The following CSNK2A2IP variants were observed in gnomAD, a reference collection of about 807,000 sequenced individuals.
CSNK2A2IP encodes casein kinase II subunit alpha'-interacting protein.
At chr3:88,436,453 C>T in the CSNK2A2IP span, among the ~76,000 whole-genome samples, 2 of 152,018 alleles carry the variant, frequency 1.3e-5, no homozygotes, top group African/African-American at 2.4e-5. Flanking sequence ...TCCTATAAGG[C>T]ACTTCTGGCC....
At chr3:88,442,411 G>A in the CSNK2A2IP span, among the ~76,000 whole-genome samples, 1 of 151,970 alleles carries the variant, frequency 6.6e-6, no homozygotes, top group Non-Finnish European at 1.5e-5. Flanking sequence ...ACTAAGGGAT[G>A]CCAATATAGG....
At chr3:88,430,908 A>G in the CSNK2A2IP span, among the ~76,000 whole-genome samples, 1 of 152,166 alleles carries the variant, frequency 6.6e-6, no homozygotes, top group Non-Finnish European at 1.5e-5. Context: ...GAAAACAAAA[A>G]CAAATGAGCT....
chr3:88,377,574 A>G, the CSNK2A2IP span, among the ~76,000 whole-genome samples: 27 of 151,806 alleles, frequency 1.8e-4, no homozygotes, highest in African/African-American at 6.5e-4. Flanking sequence ...AAAACACACT[A>G]TTGATCATGT....
At chr3:88,343,403 T>C in the CSNK2A2IP span, 3 of 151,958 alleles carry the variant, frequency 2.0e-5, no homozygotes, top group African/African-American at 7.2e-5. Flanking sequence ...TTCTTATGAC[T>C]AGTCTTTGCT....
chr3:88,351,148 T>C, the CSNK2A2IP span, among the ~76,000 whole-genome samples: 62,501 of 151,958 alleles, frequency 0.41, 14,770 homozygotes, highest in South Asian at 0.6. Flanking sequence ...CATCACTGGA[T>C]TCACTTGCCT....
At chr3:88,456,151 T>G in the CSNK2A2IP span, among the ~76,000 whole-genome samples, 6 of 152,026 alleles carry the variant, frequency 3.9e-5, no homozygotes, top group African/African-American at 1.4e-4. Flanking sequence ...CTCCAATTAC[T>G]TCTGTTCAAG....
chr3:88,391,672 G>A, the CSNK2A2IP span, among the ~76,000 whole-genome samples: 2 of 152,086 alleles, frequency 1.3e-5, no homozygotes, highest in Non-Finnish European at 2.9e-5. Context: ...AAGAACCAGA[G>A]GCAAGAAAAA....
the CSNK2A2IP span, among the ~76,000 whole-genome samples, chr3:88,449,870 T>TAGAGAGAGAGAG: frequency 3.7e-5 from 3 of 81,704 alleles, no homozygotes; most frequent in African/African-American, 8.0e-5. Context: ...TATATATATA[T>TAGAGAGAGAGAG]ATATAGAGAG....
chr3:88,458,141 G>GTTTTTTTTTGTGTTTTTTTTTTTTTTTTT, the CSNK2A2IP span, among the ~76,000 whole-genome samples: 5 of 83,304 alleles, frequency 6.0e-5, no homozygotes, highest in African/African-American at 2.7e-4. Context: ...TGTAATTGTG[G>GTTTTTTTTTGTGTTTTTTTTTTTTTTTTT]TTTTTTTTTT....
At chr3:88,354,141 A>G in the CSNK2A2IP span, among the ~76,000 whole-genome samples, 1 of 152,210 alleles carries the variant, frequency 6.6e-6, no homozygotes, top group Non-Finnish European at 1.5e-5. Flanking sequence ...CCCTCATCAG[A>G]AGCAGTTGCT....
the CSNK2A2IP span, among the ~76,000 whole-genome samples, chr3:88,391,058 A>ATG: frequency 3.3e-5 from 5 of 152,180 alleles, no homozygotes; most frequent in Admixed American, 1.3e-4. Flanking sequence ...TAGTCTTTGT[A>ATG]TGCTCAGTTT....
chr3:88,417,883 G>C, the CSNK2A2IP span, among the ~76,000 whole-genome samples: 1 of 152,202 alleles, frequency 6.6e-6, no homozygotes, highest in Non-Finnish European at 1.5e-5. Context: ...ATGTACATAT[G>C]TGTATTAGAA....
At chr3:88,412,832 TA>T in the CSNK2A2IP span, among the ~76,000 whole-genome samples, 1 of 152,004 alleles carries the variant, frequency 6.6e-6, no homozygotes, top group African/African-American at 2.4e-5. Context: ...TTTCTGTATC[TA>T]AATATAGAAA....
the CSNK2A2IP span, among the ~76,000 whole-genome samples, chr3:88,347,990 A>C: frequency 6.6e-6 from 1 of 151,938 alleles, no homozygotes; most frequent in South Asian, 2.1e-4. Flanking sequence ...GTACCTCTCC[A>C]CAAAGATGGA....
the CSNK2A2IP span, among the ~76,000 whole-genome samples, chr3:88,387,163 CTTTTT>C: frequency 2.7e-5 from 3 of 109,846 alleles, no homozygotes; most frequent in Non-Finnish European, 6.3e-5. Flanking sequence ...CAAACACATG[CTTTTT>C]TTTTTTTTTT....
chr3:88,466,048 A>C, the CSNK2A2IP span: 1 of 1,231,700 alleles, frequency 8.1e-7, no homozygotes, highest in Non-Finnish European at 1.0e-6. Context: ...CTACCTTTGG[A>C]CATCTTCATT....
chr3:88,409,116 T>G, the CSNK2A2IP span, among the ~76,000 whole-genome samples: 1 of 152,096 alleles, frequency 6.6e-6, no homozygotes, highest in Non-Finnish European at 1.5e-5. Context: ...AGTGTCTTCA[T>G]AATTTTAAAA....
At chr3:88,446,986 T>C in the CSNK2A2IP span, among the ~76,000 whole-genome samples, 1 of 152,238 alleles carries the variant, frequency 6.6e-6, no homozygotes, top group Non-Finnish European at 1.5e-5. Flanking sequence ...AAGTAAAAGC[T>C]GTTTAAAAAT....
the CSNK2A2IP span, among the ~76,000 whole-genome samples, chr3:88,348,957 C>T: frequency 7.3e-5 from 11 of 151,500 alleles, no homozygotes; most frequent in African/African-American, 9.7e-5. Context: ...TTTTTATTCC[C>T]GAATTGTTTT....
Sources: allele counts gnomAD v4.1 joint callset (sites outside exome capture counted in the v4.1 genomes callset), GRCh38; gene constraint gnomAD v4.1.1; transcripts MANE v1.5; gene names NCBI Gene and HGNC (gene_info 2026-07-23, HGNC 2026-07-21).